The following USH2A variants were observed in gnomAD, a reference collection of about 807,000 sequenced individuals.
The protein encoded by USH2A is Usher syndrome 2A (autosomal recessive, mild).
In USH2A, 443 loss-of-function variants were observed where a neutral mutation model predicts 538.9. The observed-to-expected ratio is 0.82, with a 90% CI of 0.76 to 0.89. The LOEUF (loss-of-function observed/expected upper bound fraction) is 0.89. Among genes scored for constraint, USH2A ranks in the 40% least tolerant of loss-of-function variants. The probability of loss-of-function intolerance (pLI) is 0.00; values close to 1 mark genes in which losing one functional copy is unlikely to be tolerated. For missense variants in USH2A, 6,633 were observed against 6,324.8 expected, an observed-to-expected ratio of 1.05 and a Z score of -1.65; for synonymous variants, 2,413 against 2,273.5, an observed-to-expected ratio of 1.06 and a Z score of -1.75.
chr1:216,351,292 GT>G (rs896715740), intron 4 of USH2A, among the ~76,000 whole-genome samples: 4 of 152,154 alleles, frequency 2.6e-5, no homozygotes, highest in African/African-American at 9.7e-5. Flanking sequence ...GGGAGGTGGT[GT>G]TTGCAGATGT....
chr1:215,952,478 T>A (rs1385350745), intron 37 of USH2A, among the ~76,000 whole-genome samples: 3 of 152,228 alleles, frequency 2.0e-5, no homozygotes, highest in African/African-American at 7.2e-5. Flanking sequence ...CTAGCCTCGA[T>A]GGTCTTTACA....
intron 60 of USH2A, among the ~76,000 whole-genome samples, chr1:215,731,448 A>C (rs1156493012): frequency 1.3e-5 from 2 of 152,196 alleles, no homozygotes; most frequent in South Asian, 2.1e-4. Flanking sequence ...TTTAACTGGA[A>C]GTGTTTCCTC....
chr1:216,347,643 T>A (rs902874625), intron 4 of USH2A, among the ~76,000 whole-genome samples: 1 of 152,166 alleles, frequency 6.6e-6, no homozygotes, highest in African/African-American at 2.4e-5. Context: ...GTAATTCTGA[T>A]ATGACTTAGT....
intron 27 of USH2A, among the ~76,000 whole-genome samples, chr1:216,077,197 A>G (rs1337138783): frequency 6.6e-6 from 1 of 152,162 alleles, no homozygotes; most frequent in Non-Finnish European, 1.5e-5. Context: ...AAGAAATGAT[A>G]CACAGATATT....
At chr1:216,392,525 T>C (rs998549699) in intron 3 of USH2A, among the ~76,000 whole-genome samples, 1 of 145,138 alleles carries the variant, frequency 6.9e-6, no homozygotes, top group Non-Finnish European at 1.5e-5. Context: ...AAATCCAAAG[T>C]GTAGCAGTTC....
At chr1:216,066,639 C>T (rs146273627) in intron 30 of USH2A, among the ~76,000 whole-genome samples, 3,938 of 152,082 alleles carry the variant, frequency 0.026, 67 homozygotes, top group Non-Finnish European at 0.038. Context: ...TCGTTTAATC[C>T]CCACAGCTGC....
intron 69 of USH2A, among the ~76,000 whole-genome samples, chr1:215,637,273 C>A (rs1460184605): frequency 1.3e-5 from 2 of 152,142 alleles, no homozygotes; most frequent in Non-Finnish European, 2.9e-5. Flanking sequence ...GTTCTGAGCC[C>A]TGTGTCAGAA....
At chr1:215,968,365 G>GTTTTGT (rs993372425) in intron 36 of USH2A, among the ~76,000 whole-genome samples, 3 of 151,522 alleles carry the variant, frequency 2.0e-5, no homozygotes, top group African/African-American at 7.3e-5. Flanking sequence ...TGTTTATTTT[G>GTTTTGT]TTTTGTTTTT....
chr1:216,222,391 T>C (rs2035474519), intron 14 of USH2A, among the ~76,000 whole-genome samples: 1 of 152,178 alleles, frequency 6.6e-6, no homozygotes, highest in African/African-American at 2.4e-5. Context: ...AGGCTATAGA[T>C]TGCTGAACTC....
intron 61 of USH2A, among the ~76,000 whole-genome samples, chr1:215,708,303 G>C (rs1367812629): frequency 4.6e-5 from 7 of 152,034 alleles, no homozygotes; most frequent in Non-Finnish European, 1.5e-5. Context: ...TTTTTGTCTG[G>C]TTTATTCACT....
Position 215,786,680 on chromosome 1 carries a change from G to A in USH2A, c.10377C>T (p.Tyr3459=). 6.2e-7 allele frequency: 1 copy of A among 1,614,010 alleles called. No individual in the cohort carries two copies. The highest frequency in any genetic ancestry group is 8.5e-7 in the Non-Finnish European group (1 of 1,179,904). The change falls in exon 52 of 72, where the codon TAC becomes TAT. Residue 3459 remains tyrosine, a synonymous_variant. Coordinates refer to ENST00000307340, the MANE Select transcript of USH2A (RefSeq NM_206933.4). Reference sequence around the variant, plus strand: ...CTTGCTTTCTGTTACCTGTGTAAGAGTACGTGTTTACACTCCCTGTATGAA... The same window carrying A: ...CTTGCTTTCTGTTACCTGTGTAAGAATACGTGTTTACACTCCCTGTATGAA... The part of the protein sequence containing the change: ...ETIHTGSVNT[Y]SYTDVNLKPY...
chr1:215,854,146 G>A (rs748537796), intron 44 of USH2A, among the ~76,000 whole-genome samples: 2 of 152,152 alleles, frequency 1.3e-5, no homozygotes, highest in Non-Finnish European at 2.9e-5. Context: ...GGCTTGGGAG[G>A]CCTCACAATC....
At chr1:215,958,152 T>A (rs1299914257) in intron 37 of USH2A, among the ~76,000 whole-genome samples, 1 of 152,124 alleles carries the variant, frequency 6.6e-6, no homozygotes, top group African/African-American at 2.4e-5. Context: ...TTCCATCTTG[T>A]AATTTTTATA....
chr1:216,233,480 G>A (rs1003502073), intron 13 of USH2A, among the ~76,000 whole-genome samples: 2 of 151,922 alleles, frequency 1.3e-5, no homozygotes, highest in African/African-American at 4.8e-5. Context: ...TTCCATAAGG[G>A]CAGAAAACCC....
At chr1:216,283,282 G>A (rs2036817201) in intron 11 of USH2A, among the ~76,000 whole-genome samples, 1 of 152,004 alleles carries the variant, frequency 6.6e-6, no homozygotes, top group Non-Finnish European at 1.5e-5. Context: ...AATAGAGATG[G>A]GGTTTCACCA....
chr1:216,078,303 T>C lies in USH2A; in HGVS notation c.5358A>G (p.Gln1786=), dbSNP rs1441749271. The change falls in exon 27 of 72, where the codon CAA becomes CAG. Residue 1786 remains glutamine (Q), a synonymous_variant. Coordinates refer to ENST00000307340, the MANE Select transcript of USH2A (RefSeq NM_206933.4). Reference sequence around the variant, plus strand: ...AGGATAGCCCCAGCAATAGATCCACTTGTGTAAAGGCAAGACTGGTATTTA... The same window carrying C: ...AGGATAGCCCCAGCAATAGATCCACCTGTGTAAAGGCAAGACTGGTATTTA... ...FRLNTSLAFT[Q]VDLLLGLSYC... 1 of 1,613,662 alleles carries C rather than the reference T, an allele frequency of 6.2e-7. No homozygotes were observed. The highest frequency in any genetic ancestry group is 8.5e-7 in the Non-Finnish European group (1 of 1,179,716).
At chr1:216,347,440 A>T (rs1427925186) in intron 4 of USH2A, among the ~76,000 whole-genome samples, 1 of 152,140 alleles carries the variant, frequency 6.6e-6, no homozygotes, top group African/African-American at 2.4e-5. Context: ...TAAAATTACA[A>T]AGTATGTCTT....
At chr1:216,316,411 C>T (rs1271523249) in intron 9 of USH2A, among the ~76,000 whole-genome samples, 1 of 152,148 alleles carries the variant, frequency 6.6e-6, no homozygotes, top group Non-Finnish European at 1.5e-5. Flanking sequence ...CTCAATCTAT[C>T]CATCAGTTTT....
intron 21 of USH2A, among the ~76,000 whole-genome samples, chr1:216,139,374 C>T (rs142874365): frequency 2.6e-3 from 390 of 149,480 alleles, no homozygotes; most frequent in Non-Finnish European, 4.2e-3. Context: ...ACCCTTGAGT[C>T]GCAGCTGACT....
Sources: allele counts gnomAD v4.1 joint callset (sites outside exome capture counted in the v4.1 genomes callset), GRCh38; gene constraint gnomAD v4.1.1; transcripts MANE v1.5; gene names NCBI Gene and HGNC (gene_info 2026-07-23, HGNC 2026-07-21).